USP6NL: variants seen among roughly 807,000 people sequenced by gnomAD.
USP6NL encodes the protein USP6 N-terminal like, also known as USP6 N-terminal-like protein.
In USP6NL, 26 loss-of-function variants were observed where a neutral mutation model predicts 61.9. The observed-to-expected ratio is 0.42, with a 90% CI of 0.31 to 0.58. The LOEUF is 0.58. Ranked by LOEUF, USP6NL falls within the 20% of genes least tolerant of loss-of-function variation. USP6NL has a pLI of 0.16. For synonymous variants in USP6NL, 432 were observed against 390.1 expected (o/e 1.11, Z -1.27); for missense variants, 1,114 against 1,034.3 (o/e 1.08, Z -1.06).
At position 11,476,035 on chromosome 10, in the gene USP6NL, G is replaced by T. The variant is rs557822328; in HGVS notation, c.1078+5735C>A. On this transcript the variant is annotated intron_variant, in intron 14 of 14. Coordinates refer to ENST00000609104, the MANE Select transcript of USP6NL (RefSeq NM_014688.5). The surrounding 1 kb of genome is among the most constrained non-coding windows in gnomAD (Gnocchi z 4.3). ...CAGAATAGTGGGACTGTGCTCTTCA[G>T]CAGCTCAGTGTCATTCAGAGGAAAA... 3.9e-5 allele frequency among the ~76,000 whole-genome samples: 6 copies of T among 152,264 alleles called. No homozygotes were observed. The East Asian group carries it at 9.7e-4, about 25-fold the overall frequency.
chr10:11,563,310 A>G (rs1036482487), intron 2 of USP6NL: 41 of 152,150 alleles, frequency 2.7e-4, no homozygotes, highest in African/African-American at 9.9e-4. Context: ...GAAAGGGCAT[A>G]GCGTTAAGGA....
At chr10:11,555,120 T>TG (rs1836641135) in intron 2 of USP6NL, among the ~76,000 whole-genome samples, 1 of 144,526 alleles carries the variant, frequency 6.9e-6, no homozygotes, top group Non-Finnish European at 1.5e-5. Context: ...TTTTTTTTTT[T>TG]AAGAATCCTA....
chr10:11,557,936 C>T (rs922244163), intron 2 of USP6NL, among the ~76,000 whole-genome samples: 4 of 152,012 alleles, frequency 2.6e-5, no homozygotes, highest in South Asian at 2.1e-4. Flanking sequence ...GGAGAAGAAA[C>T]GCGGAAGGTA....
chr10:11,536,743 T>G (rs1032729584), intron 2 of USP6NL, among the ~76,000 whole-genome samples: 1 of 152,132 alleles, frequency 6.6e-6, no homozygotes, highest in Non-Finnish European at 1.5e-5. Context: ...CCAATCCCAC[T>G]TGCATCTCCC....
In USP6NL at chr10:11,484,966, C is replaced by G; in HGVS notation, c.925+5G>C. 6.6e-7 allele frequency: 1 copy of G among 1,514,132 alleles called. No homozygotes were observed. Among genetic ancestry groups the G allele is most frequent in the Non-Finnish European group, 8.8e-7 (1 of 1,134,644 alleles). 93.8% of individuals were successfully genotyped at this position (1,514,132 alleles called of 1,614,324 possible). On this transcript the variant is annotated splice_donor_5th_base_variant and intron_variant, in intron 13 of 14. Transcript: ENST00000609104. The stretch of plus-strand genomic sequence containing the variant: ...GAAATTTTAAGAGTTTAAGCATTTT[C>G]TTACTTTTGTGTAATTTTAAGATGG...
At chr10:11,549,466 T>C (rs1050492896) in intron 2 of USP6NL, among the ~76,000 whole-genome samples, 1 of 152,206 alleles carries the variant, frequency 6.6e-6, no homozygotes, top group Non-Finnish European at 1.5e-5. Flanking sequence ...GATGCTATGT[T>C]TAAGTATCTA....
chr10:11,501,087 C>A lies in USP6NL; in HGVS notation c.384+14G>T. The A allele has an allele frequency of 6.4e-7, 1 of 1,551,922 alleles. No homozygotes were observed. The highest frequency in any genetic ancestry group is 1.3e-5 in the South Asian group (1 of 78,606). ...TTTTAATTTCAAAATAACAAGTTAG[C>A]TTTAGCTACTCACACTATACAGGTC... is the stretch of plus-strand genomic sequence containing the variant. On this transcript the variant is annotated intron_variant, in intron 7 of 14. Transcript: ENST00000609104.
rs2096220175 is a variant in USP6NL, at chr10:11,462,702, T to C, written c.2226A>G (p.Thr742=). 1.2e-6 allele frequency: 2 copies of C among 1,613,900 alleles called. No homozygotes were observed. The highest frequency in any genetic ancestry group is 1.3e-5 in the African/African-American group (1 of 74,918). ...ATTGTCCCTGCGTCTCAGGTCTGTATGTATAACTAACTTCTGACCATGTTC... is the reference window on the plus strand; with the variant it reads ...ATTGTCCCTGCGTCTCAGGTCTGTACGTATAACTAACTTCTGACCATGTTC... ...DNRTWSEVSY[T]YRPETQGQSW... is the part of the protein sequence containing the mutation. Residue 742 remains threonine, a synonymous_variant, in exon 15 of 15, where the codon ACA becomes ACG. Transcript: ENST00000609104.
At position 11,604,319 on chromosome 10, in the gene USP6NL, T is replaced by C. The variant is rs149843574; in HGVS notation, c.-83-6602A>G. Among the ~76,000 whole-genome samples the C allele has an allele frequency of 1.6e-3, 241 of 152,324 alleles. 1 individual carries two copies. Among genetic ancestry groups the C allele is most frequent in the African/African-American group, 5.5e-3 (228 of 41,572 alleles). Reference sequence around the variant, plus strand: ...TGGGTAACTCAGGTTCTAATTTCCTTAGCGGTATAAGGAAGATCAACCTAA... The same window carrying C: ...TGGGTAACTCAGGTTCTAATTTCCTCAGCGGTATAAGGAAGATCAACCTAA... On this transcript the variant is annotated intron_variant, in intron 1 of 14. Transcript: ENST00000609104.
In USP6NL at chr10:11,463,368, T is replaced by A. The variant is rs1346848483; in HGVS notation, c.1560A>T (p.Pro520=). 4 of 1,614,004 alleles carry A rather than the reference T, an allele frequency of 2.5e-6. No individual in the cohort carries two copies. Among genetic ancestry groups the A allele is most frequent in the Non-Finnish European group, 3.4e-6 (4 of 1,179,886 alleles). The change falls in exon 15 of 15, where the codon CCA becomes CCT. Residue 520 remains proline, a synonymous_variant. Coordinates refer to ENST00000609104, the MANE Select transcript of USP6NL (RefSeq NM_014688.5). The surrounding 1 kb of genome is among the most constrained non-coding windows in gnomAD (Gnocchi z 6.3). Reference sequence around the variant, plus strand: ...TTGACACCCGCACCTCGGCAGGACCTGGGACGGTAACTGCGAGCGCGGGGT... The same window carrying A: ...TTGACACCCGCACCTCGGCAGGACCAGGGACGGTAACTGCGAGCGCGGGGT... ...AAHPALAVTV[P]GPAEVRVSNV... is the part of the protein sequence containing the mutation.
In USP6NL at chr10:11,562,768, G is replaced by A; in HGVS notation, c.4+34863C>T. 1 of 985,156 alleles carries A rather than the reference G, an allele frequency of 1.0e-6. No homozygotes were observed. 61.0% of individuals were successfully genotyped at this position (985,156 alleles called of 1,614,324 possible). On this transcript the variant is annotated intron_variant, in intron 2 of 14. Coordinates refer to ENST00000609104, the MANE Select transcript of USP6NL (RefSeq NM_014688.5). The surrounding 1 kb of genome is among the most constrained non-coding windows in gnomAD (Gnocchi z 4.8). ...GGAATTCCACACAGTACAATCATAA[G>A]TGAATTGCCTAATTTCTCAGTATTC... is the stretch of plus-strand genomic sequence containing the variant.
In USP6NL at chr10:11,465,687, G is replaced by T. The variant is rs972103172; in HGVS notation, c.1079-1838C>A. Reference sequence around the variant, plus strand: ...AAGCACCCAAGCTGCTCTCAGTGCTGCCTGGAGGTGCCCAGATTCTGAGTT... The same window carrying T: ...AAGCACCCAAGCTGCTCTCAGTGCTTCCTGGAGGTGCCCAGATTCTGAGTT... On this transcript the variant is annotated intron_variant, in intron 14 of 14. Coordinates refer to ENST00000609104, the MANE Select transcript of USP6NL (RefSeq NM_014688.5). This position sits in a 1 kb window ranked among gnomAD's most constrained non-coding sequence, Gnocchi z 4.5. Among the ~76,000 whole-genome samples the T allele has an allele frequency of 5.3e-5, 8 of 152,164 alleles. No individual in the cohort carries two copies. Among genetic ancestry groups the T allele is most frequent in the Non-Finnish European group, 1.0e-4 (7 of 68,024 alleles).
chr10:11,518,548 A>G lies in USP6NL; in HGVS notation c.182T>C (p.Val61Ala), dbSNP rs2133375876. ...AGCAGGACTTACCCGTTCCACAGCC[A>G]CATTATGATCTGGGAGCTCCTCCTC... ...LHEEELPDHNVAVERQKHLEI... is the reference protein window; with the variant it reads ...LHEEELPDHNAAVERQKHLEI... The change falls in exon 5 of 15, where the codon GTG becomes GCG. Residue 61 changes from valine to alanine, a missense_variant. Physicochemically the swap from Val to Ala is moderately conservative, Grantham distance 64 (BLOSUM62 0). Transcript: ENST00000609104. This position sits in a 1 kb window ranked among gnomAD's most constrained non-coding sequence, Gnocchi z 5.3. 1 of 1,613,164 alleles carries G rather than the reference A, an allele frequency of 6.2e-7. No individual in the cohort carries two copies. The highest frequency in any genetic ancestry group is 8.5e-7 in the Non-Finnish European group (1 of 1,179,616).
Position 11,470,068 on chromosome 10 carries a change from G to A in USP6NL, c.1079-6219C>T, listed in dbSNP as rs1342891946. Among the ~76,000 whole-genome samples, 2 of 152,218 alleles carry A rather than the reference G, an allele frequency of 1.3e-5. No homozygotes were observed. Among genetic ancestry groups the A allele is most frequent in the African/African-American group, 4.8e-5 (2 of 41,446 alleles). ...GCCCTCAGGCCCCCGGGGCAGCGCT[G>A]TGGAGGTAGTAACGCTGTGCCTCTC... On this transcript the variant is annotated intron_variant, in intron 14 of 14. Transcript: ENST00000609104. This position sits in a 1 kb window ranked among gnomAD's most constrained non-coding sequence, Gnocchi z 5.4.
At chr10:11,558,222 A>C (rs1207744217) in intron 2 of USP6NL, among the ~76,000 whole-genome samples, 1 of 152,176 alleles carries the variant, frequency 6.6e-6, no homozygotes, top group Non-Finnish European at 1.5e-5. Context: ...TTTGTCCCCC[A>C]ACTAAATGCC....
rs898002511 is a variant in USP6NL at position 11,600,005 on chromosome 10, A to C, written c.-83-2288T>G. Among the ~76,000 whole-genome samples the C allele has an allele frequency of 2.6e-5, 4 of 152,094 alleles. No homozygotes were observed. In the East Asian group the frequency reaches 7.7e-4, roughly 29 times the overall value. ...AAGGAGTCTACCAATTGTTATATGG[A>C]ACAAGGTAGTTGAGCAGCACACAGG... is the stretch of plus-strand genomic sequence containing the variant. On this transcript the variant is annotated intron_variant, in intron 1 of 14. Transcript: ENST00000609104. This position sits in a 1 kb window ranked among gnomAD's most constrained non-coding sequence, Gnocchi z 4.1.
At chr10:11,469,836 G>T (rs1832653426) in intron 14 of USP6NL, among the ~76,000 whole-genome samples, 1 of 152,180 alleles carries the variant, frequency 6.6e-6, no homozygotes, top group Admixed American at 6.5e-5. Flanking sequence ...CCATGGCCAG[G>T]GAGCAGGCTA....
chr10:11,494,643 T>C (rs1591841470), intron 7 of USP6NL, among the ~76,000 whole-genome samples: 1 of 151,632 alleles, frequency 6.6e-6, no homozygotes, highest in Non-Finnish European at 1.5e-5. Flanking sequence ...GGGTAAAGAG[T>C]GTGAGTCATC....
At chr10:11,530,298 G>T (rs886982223) in intron 2 of USP6NL, among the ~76,000 whole-genome samples, 1 of 152,208 alleles carries the variant, frequency 6.6e-6, no homozygotes, top group East Asian at 1.9e-4. Context: ...GGCATCACAA[G>T]TATACTTCCA....
Sources: allele counts gnomAD v4.1 joint callset (sites outside exome capture counted in the v4.1 genomes callset), GRCh38; gene constraint gnomAD v4.1.1; non-coding constraint Gnocchi (gnomAD v3.1); transcripts MANE v1.5; gene names NCBI Gene and HGNC (gene_info 2026-07-23, HGNC 2026-07-21).